Variants in PLXDC2 observed in about 807,000 individuals in gnomAD.
PLXDC2 encodes the protein plexin domain-containing protein 2.
PLXDC2 carries 40 observed loss-of-function variants against 68.9 expected under a neutral mutation model. The ratio of observed to expected loss-of-function variants is 0.58; its 90% CI spans 0.45 to 0.76. The LOEUF is 0.76. Among genes scored for constraint, PLXDC2 ranks in the 30% least tolerant of loss-of-function variants. The pLI is 0.00. For missense variants in PLXDC2, 644 were observed against 661.9 expected, an observed-to-expected ratio of 0.97 and a Z score of 0.30; for synonymous variants, 243 against 234.2, an observed-to-expected ratio of 1.04 and a Z score of -0.34.
chr10:20,222,689 C>T (rs1014045820), intron 12 of PLXDC2, among the ~76,000 whole-genome samples: 9 of 152,010 alleles, frequency 5.9e-5, no homozygotes, highest in Admixed American at 1.3e-4. Context: ...TCTAAAAACG[C>T]AGATGATCCA....
intron 4 of PLXDC2, among the ~76,000 whole-genome samples, chr10:20,088,623 G>T (rs567027494): frequency 6.6e-6 from 1 of 152,220 alleles, no homozygotes; most frequent in East Asian, 1.9e-4. Context: ...TCATAGGTAG[G>T]CAACAGAGTC....
At chr10:19,943,130 G>A (rs1050338992) in intron 1 of PLXDC2, among the ~76,000 whole-genome samples, 2 of 152,148 alleles carry the variant, frequency 1.3e-5, no homozygotes, top group South Asian at 2.1e-4. Context: ...AAGATCAAAC[G>A]TAGGCTGAAC....
chr10:20,176,907 A>C, intron 7 of PLXDC2, 92 bp from the exon 8 acceptor site: 2 of 861,278 alleles, frequency 2.3e-6, no homozygotes, highest in Non-Finnish European at 3.6e-6. Context: ...ACATTGGGCT[A>C]TATGTATATA....
At chr10:20,119,765 T>C (rs1413726675) in intron 4 of PLXDC2, among the ~76,000 whole-genome samples, 2 of 151,646 alleles carry the variant, frequency 1.3e-5, no homozygotes, top group Non-Finnish European at 2.9e-5. Context: ...GTGGGAGAGA[T>C]TAAGATGAAG....
At chr10:19,883,799 AC>A (rs1445689615) in intron 1 of PLXDC2, among the ~76,000 whole-genome samples, 5 of 137,468 alleles carry the variant, frequency 3.6e-5, no homozygotes, top group Non-Finnish European at 7.6e-5. Context: ...GTGTTCCCCC[AC>A]CTCCGTACTT....
intron 2 of PLXDC2, among the ~76,000 whole-genome samples, chr10:20,002,811 T>C (rs887014460): frequency 1.3e-5 from 2 of 152,028 alleles, no homozygotes; most frequent in Non-Finnish European, 2.9e-5. Flanking sequence ...GCAGAGTAAA[T>C]TTCCTCTGCA....
chr10:20,072,524 A>AAAGAAAGAAAGAAAGG (rs1564304798), intron 4 of PLXDC2, among the ~76,000 whole-genome samples: 1 of 103,620 alleles, frequency 9.7e-6, no homozygotes, highest in East Asian at 4.4e-4. Context: ...AGAAAGAAAG[A>AAAGAAAGAAAGAAAGG]AAGAAAGAAA....
chr10:20,264,956 T>C lies in PLXDC2; in HGVS notation c.1474-14747T>C, dbSNP rs557661302. 2.6e-5 allele frequency among the ~76,000 whole-genome samples: 4 copies of C among 152,294 alleles called. No homozygotes were observed. In the South Asian group the frequency reaches 8.3e-4, roughly 32 times the overall value. Reference sequence around the variant, plus strand: ...AAACAACGAGCATTAAGACTTATTCTAGTAAGGTCGCTGGATGATATTAAA... The same window carrying C: ...AAACAACGAGCATTAAGACTTATTCCAGTAAGGTCGCTGGATGATATTAAA... On this transcript the variant is annotated intron_variant, in intron 13 of 13. Transcript: ENST00000377252.
At chr10:19,830,488 C>T (rs1467376295) in intron 1 of PLXDC2, among the ~76,000 whole-genome samples, 2 of 152,200 alleles carry the variant, frequency 1.3e-5, no homozygotes, top group African/African-American at 4.8e-5. Context: ...CTCTTCCATA[C>T]TCATGGTATG....
intron 5 of PLXDC2, among the ~76,000 whole-genome samples, chr10:20,146,698 TCTTTA>T (rs1265539639): frequency 2.6e-5 from 4 of 152,144 alleles, no homozygotes; most frequent in Non-Finnish European, 5.9e-5. Context: ...GAAATACATT[TCTTTA>T]CTTCAACATC....
chr10:20,286,600 A>T lies in PLXDC2; in HGVS notation c.*6781A>T, dbSNP rs67447432. On this transcript the variant is annotated 3_prime_UTR_variant, in exon 14 of 14. Transcript: ENST00000377252. ...CTATCAAACAAATACATAGCATGAA[A>T]CTAATTTTAGAAGTTTCATGGGGGA... The T allele has an allele frequency of 0.25, 37,951 of 152,108 alleles. 5,175 individuals carry two copies. The highest frequency in any genetic ancestry group is 0.47 in the East Asian group (2,427 of 5,162). The allele number at this position is 152,108 out of a possible 1,614,324, so 9.4% of individuals were successfully genotyped here. A position where few individuals can be genotyped will look rare whatever the true frequency, so the allele number is the denominator to read the frequency against.
intron 1 of PLXDC2, among the ~76,000 whole-genome samples, chr10:19,974,135 T>G (rs1369622851): frequency 1.3e-5 from 2 of 152,360 alleles, no homozygotes; most frequent in East Asian, 3.9e-4. Context: ...ATAGTTTGCC[T>G]TTTGAAGCTC....
At chr10:20,254,399 G>A (rs752900033) in intron 13 of PLXDC2, among the ~76,000 whole-genome samples, 14 of 152,228 alleles carry the variant, frequency 9.2e-5, no homozygotes, top group African/African-American at 2.2e-4. Context: ...AGGAAGACGC[G>A]ATCTGTGGAC....
intron 1 of PLXDC2, among the ~76,000 whole-genome samples, chr10:19,995,493 T>G (rs1834829177): frequency 6.6e-6 from 1 of 152,246 alleles, no homozygotes; most frequent in African/African-American, 2.4e-5. Context: ...TTGTCTAGCA[T>G]GTACCAAAAT....
chr10:19,859,793 G>A (rs959483702), intron 1 of PLXDC2, among the ~76,000 whole-genome samples: 2 of 152,150 alleles, frequency 1.3e-5, no homozygotes, highest in African/African-American at 2.4e-5. Flanking sequence ...GTGCAGTGGT[G>A]CGATCTCAGC....
At position 20,001,818 on chromosome 10, in the gene PLXDC2, G is replaced by A. The variant is rs1198378707; in HGVS notation, c.156G>A (p.Glu52=). 2.5e-6 allele frequency: 4 copies of A among 1,614,072 alleles called. No homozygotes were observed. The highest frequency in any genetic ancestry group is 1.7e-5 in the Admixed American group (1 of 59,998). ...GVTQAFPHTE[E]EVEVDSHAYS... Reference sequence around the variant, plus strand: ...CTCAGGCCTTCCCTCACACAGAGGAGGAGGTGGAAGTTGATTCACACGCGT... The same window carrying A: ...CTCAGGCCTTCCCTCACACAGAGGAAGAGGTGGAAGTTGATTCACACGCGT... Residue 52 remains glutamate (E), a synonymous_variant, in exon 2 of 14, where the codon GAG becomes GAA. Transcript: ENST00000377252.
chr10:20,240,854 A>T (rs1488521800), intron 12 of PLXDC2, among the ~76,000 whole-genome samples: 2 of 152,134 alleles, frequency 1.3e-5, no homozygotes, highest in Non-Finnish European at 2.9e-5. Flanking sequence ...ACACAAAGAA[A>T]GTCTTGTAAT....
chr10:19,855,769 C>T (rs1837199237), intron 1 of PLXDC2, among the ~76,000 whole-genome samples: 1 of 152,022 alleles, frequency 6.6e-6, no homozygotes, highest in African/African-American at 2.4e-5. Flanking sequence ...TTAGTGCCTA[C>T]AACAAAGCAA....
chr10:20,284,330 TACACACACACACACACACACAC>T lies in PLXDC2; in HGVS notation c.*4513_*4534del, dbSNP rs550194481. On this transcript the variant is annotated 3_prime_UTR_variant, in exon 14 of 14. Coordinates refer to ENST00000377252, the MANE Select transcript of PLXDC2 (RefSeq NM_032812.9). Reference sequence around the variant, plus strand: ...AAATATACATATATATATATATATATACACACACACACACACACACACAAATATACATATATATCAAATATAT... The same window carrying T: ...AAATATACATATATATATATATATATAAATATACATATATATCAAATATAT... 4.7e-5 allele frequency: 6 copies of T among 126,330 alleles called. No homozygotes were observed. The highest frequency in any genetic ancestry group is 8.7e-5 in the African/African-American group (3 of 34,372). The allele number at this position is 126,330 out of a possible 1,614,324, so 7.8% of individuals were successfully genotyped here. A position where few individuals can be genotyped will look rare whatever the true frequency, so the allele number is the denominator to read the frequency against.
Sources: allele counts gnomAD v4.1 joint callset (sites outside exome capture counted in the v4.1 genomes callset), GRCh38; gene constraint gnomAD v4.1.1; transcripts MANE v1.5; gene names NCBI Gene and HGNC (gene_info 2026-07-23, HGNC 2026-07-21).